CFH: variants seen among roughly 807,000 people sequenced by gnomAD.
CFH encodes the protein complement factor H.
CFH carries 53 observed loss-of-function variants against 147.3 expected under a neutral mutation model. The ratio of observed to expected loss-of-function variants is 0.36; its 90% CI spans 0.29 to 0.45. CFH has a LOEUF of 0.45. CFH is among the 20% of genes least tolerant of loss of function. The pLI is 1.00. For missense variants in CFH, 1,380 were observed against 1,498.0 expected (o/e 0.92, Z 1.30); for synonymous variants, 536 against 489.4 (o/e 1.10, Z -1.26).
chr1:196,711,366 T>C (rs1264960772), intron 9 of CFH, among the ~76,000 whole-genome samples: 2 of 152,128 alleles, frequency 1.3e-5, no homozygotes, highest in Admixed American at 6.6e-5. Flanking sequence ...TGATATATAG[T>C]ATATCAATCA....
At chr1:196,713,253 C>T (rs1301381546) in intron 9 of CFH, among the ~76,000 whole-genome samples, 1 of 152,086 alleles carries the variant, frequency 6.6e-6, no homozygotes, top group African/African-American at 2.4e-5. Context: ...TACTTTGAAG[C>T]ACACAATAAG....
At chr1:196,666,258 T>C (rs34902514) in intron 1 of CFH, among the ~76,000 whole-genome samples, 1 of 152,310 alleles carries the variant, frequency 6.6e-6, no homozygotes, top group Non-Finnish European at 1.5e-5. Flanking sequence ...CACTATTATT[T>C]GCTGTTTTCT....
In CFH at chr1:196,652,078, C is replaced by T. The variant is rs749585389; in HGVS notation, c.-40C>T. On this transcript the variant is annotated 5_prime_UTR_variant, in exon 1 of 22. Coordinates refer to ENST00000367429, the MANE Select transcript of CFH (RefSeq NM_000186.4). ...GAAGAGGAGAACTGGACGTTGTGAA[C>T]AGAGTTAGCTGGTAAATGTCCTCTT... is the stretch of plus-strand genomic sequence containing the variant. The T allele has an allele frequency of 7.2e-7, 1 of 1,398,540 alleles. No individual in the cohort carries two copies. The highest frequency in any genetic ancestry group is 1.2e-5 in the South Asian group (1 of 86,494). The allele number at this position is 1,398,540 out of a possible 1,614,324, so 86.6% of individuals were successfully genotyped here. A position where few individuals can be genotyped will look rare whatever the true frequency, so the allele number is the denominator to read the frequency against.
In CFH at chr1:196,737,670, A is replaced by G. The variant is rs1353681943; in HGVS notation, c.2782+10A>G. On this transcript the variant is annotated intron_variant, in intron 17 of 21. Coordinates refer to ENST00000367429, the MANE Select transcript of CFH (RefSeq NM_000186.4). The stretch of plus-strand genomic sequence containing the variant: ...CCACCTCAGTGTGAAGGTTAGGCCA[A>G]TATGAATACTCAATTTCTGTTTATA... 1.2e-6 allele frequency: 2 copies of G among 1,608,988 alleles called. No homozygotes were observed. Among genetic ancestry groups the G allele is most frequent in the Admixed American group, 3.3e-5 (2 of 59,982 alleles).
chr1:196,695,930 C>T (rs1440636937), intron 9 of CFH, among the ~76,000 whole-genome samples: 1 of 152,058 alleles, frequency 6.6e-6, no homozygotes, highest in East Asian at 1.9e-4. Context: ...TCTAAATATA[C>T]CATCATGTCA....
chr1:196,741,435 T>A (rs1337589169), intron 18 of CFH: 1 of 212,560 alleles, frequency 4.7e-6, no homozygotes, highest in African/African-American at 2.4e-5. Flanking sequence ...TCATCATATC[T>A]TGTGAGAACT....
chr1:196,666,525 G>T (rs1315349150), intron 1 of CFH, among the ~76,000 whole-genome samples: 1 of 151,720 alleles, frequency 6.6e-6, no homozygotes, highest in South Asian at 2.1e-4. Flanking sequence ...GGTGGCTCAC[G>T]CCTGTAATCT....
intron 11 of CFH, among the ~76,000 whole-genome samples, chr1:196,718,277 A>C (rs1016702936): frequency 1.3e-5 from 2 of 152,144 alleles, no homozygotes; most frequent in African/African-American, 4.8e-5. Context: ...AATATATTTT[A>C]TGTATCACTG....
chr1:196,668,443 C>T (rs1667168415), intron 1 of CFH, among the ~76,000 whole-genome samples: 1 of 152,080 alleles, frequency 6.6e-6, no homozygotes, highest in African/African-American at 2.4e-5. Flanking sequence ...TACTATTCTC[C>T]TGGAAAAAAA....
intron 11 of CFH, among the ~76,000 whole-genome samples, chr1:196,721,227 C>A (rs971327958): frequency 3.3e-5 from 5 of 151,684 alleles, no homozygotes; most frequent in African/African-American, 1.2e-4. Context: ...TCATAGTTTG[C>A]AAATATTTTC....
At chr1:196,741,439 G>A (rs992452431) in intron 18 of CFH, 9 of 218,722 alleles carry the variant, frequency 4.1e-5, no homozygotes, top group Middle Eastern at 2.0e-3. Flanking sequence ...CATATCTTGT[G>A]AGAACTCACT....
At chr1:196,728,083 T>A (rs1669189110) in intron 14 of CFH, among the ~76,000 whole-genome samples, 1 of 152,090 alleles carries the variant, frequency 6.6e-6, no homozygotes, top group Admixed American at 6.6e-5. Flanking sequence ...CAATGAAATA[T>A]CCAATGATAT....
intron 9 of CFH, among the ~76,000 whole-genome samples, chr1:196,703,790 C>T (rs2149097533): frequency 6.6e-6 from 1 of 151,890 alleles, no homozygotes; most frequent in South Asian, 2.1e-4. Context: ...CGAGACCATC[C>T]TGGCTAACAC....
At chr1:196,737,156 C>A in intron 16 of CFH, 150 bp downstream of exon 16, 2 of 723,024 alleles carry the variant, frequency 2.8e-6, no homozygotes, top group Non-Finnish European at 4.5e-6. Context: ...TAATCAATCA[C>A]CACTCTTTCA....
chr1:196,742,108 C>T lies in CFH; in HGVS notation c.3133+57C>T, dbSNP rs1652828445. ...ATAATGTGTGGGCCCAGCCCAGTGGCTGGCGCCTGTAATCCCAGCACTTTG... is the reference window on the plus strand; with the variant it reads ...ATAATGTGTGGGCCCAGCCCAGTGGTTGGCGCCTGTAATCCCAGCACTTTG... On this transcript the variant is annotated intron_variant, in intron 19 of 21. Transcript: ENST00000367429. The T allele has an allele frequency of 1.9e-6, 3 of 1,544,606 alleles. No homozygotes were observed. The East Asian group carries it at 6.9e-5, about 36-fold the overall frequency.
chr1:196,673,820 A>G (rs776612510), intron 2 of CFH, 37 bp from the exon 3 acceptor site: 16 of 1,245,850 alleles, frequency 1.3e-5, no homozygotes, highest in African/African-American at 1.5e-5. Flanking sequence ...ATTCCTTGCT[A>G]TTACATACTA....
chr1:196,661,908 T>C (rs1666924168), intron 1 of CFH, among the ~76,000 whole-genome samples: 1 of 152,158 alleles, frequency 6.6e-6, no homozygotes, highest in Admixed American at 6.5e-5. Flanking sequence ...TTGTTTTGTT[T>C]TTTAAATAAA....
chr1:196,740,063 C>T (rs148374372), intron 17 of CFH, among the ~76,000 whole-genome samples: 19 of 152,210 alleles, frequency 1.2e-4, no homozygotes, highest in African/African-American at 3.6e-4. Context: ...GGAGAACTCA[C>T]GCAGTATCAT....
intron 17 of CFH, 69 bp from the exon 18 acceptor site, chr1:196,740,550 A>T: frequency 7.0e-7 from 1 of 1,436,966 alleles, no homozygotes; most frequent in South Asian, 1.2e-5. Flanking sequence ...AAACTACTTA[A>T]TATTAAAACA....
Sources: gnomAD v4.1 joint callset for allele counts (sites outside exome capture counted in the v4.1 genomes callset) on GRCh38, gnomAD v4.1.1 for gene constraint, MANE v1.5 for transcripts, NCBI Gene and HGNC (gene_info 2026-07-23, HGNC 2026-07-21) for gene names.